TRAPPC12: variants seen among roughly 807,000 people sequenced by gnomAD.
The protein encoded by TRAPPC12 is trafficking protein particle complex subunit 12, also known as TPR repeat protein 15.
A neutral mutation model predicts 69.2 loss-of-function variants in TRAPPC12; 61 were observed. The ratio of observed to expected loss-of-function variants is 0.88; its 90% CI spans 0.72 to 1.09. The LOEUF (loss-of-function observed/expected upper bound fraction) is 1.09, where lower values mean the gene tolerates loss of function less well. TRAPPC12 is among the 50% of genes least tolerant of loss of function. TRAPPC12 has a pLI of 0.00. For synonymous variants in TRAPPC12, 469 were observed against 438.9 expected, an observed-to-expected ratio of 1.07 and a Z score of -0.86; for missense variants, 1,101 against 1,016.4, an observed-to-expected ratio of 1.08 and a Z score of -1.13.
At chr2:3,460,134 G>A in intron 7 of TRAPPC12, 129 bp from the exon 8 acceptor site, 4 of 753,576 alleles carry the variant, frequency 5.3e-6, no homozygotes, top group Non-Finnish European at 9.6e-6. Flanking sequence ...AGCATTCCAG[G>A]CCGAAATCCA....
At chr2:3,421,816 T>G in intron 3 of TRAPPC12, 65 bp from the exon 4 acceptor site, 1 of 1,455,754 alleles carries the variant, frequency 6.9e-7, no homozygotes, top group Non-Finnish European at 9.6e-7. Flanking sequence ...GGCTATGCGT[T>G]TGGGTCATGG....
chr2:3,473,953 A>T lies in TRAPPC12; in HGVS notation c.1777-3742A>T, dbSNP rs1318527981. ...TTTAAAATCATCTGACTCCCACACC[A>T]CAGAGAAGAATCATTCTTGCCTTCC... On this transcript the variant is annotated intron_variant, in intron 9 of 11. Transcript: ENST00000324266. Among the ~76,000 whole-genome samples the T allele has an allele frequency of 1.8e-4, 27 of 152,222 alleles. 1 individual carries two copies. The highest frequency in any genetic ancestry group is 4.4e-5 in the Non-Finnish European group (3 of 68,038).
intron 3 of TRAPPC12, among the ~76,000 whole-genome samples, chr2:3,406,060 TC>T (rs1661712405): frequency 6.6e-6 from 1 of 152,112 alleles, no homozygotes; most frequent in Admixed American, 6.6e-5. Context: ...TCCCAGCTGT[TC>T]CCTGACTTGC....
intron 1 of TRAPPC12, among the ~76,000 whole-genome samples, chr2:3,384,901 T>A (rs1344621153): frequency 6.6e-6 from 1 of 152,212 alleles, no homozygotes; most frequent in East Asian, 1.9e-4. Flanking sequence ...GTAGGAAGAC[T>A]TAACTACTGG....
In TRAPPC12 at chr2:3,477,676, C is replaced by T; in HGVS notation, c.1777-19C>T. Reference sequence around the variant, plus strand: ...ATATTTCTTTTGTCAACTAAACTGACTAAATTTTGTCAAAGCAGATTGGAG... The same window carrying T: ...ATATTTCTTTTGTCAACTAAACTGATTAAATTTTGTCAAAGCAGATTGGAG... On this transcript the variant is annotated intron_variant, in intron 9 of 11. Coordinates refer to ENST00000324266, the MANE Select transcript of TRAPPC12 (RefSeq NM_016030.6). 1 of 1,542,688 alleles carries T rather than the reference C, an allele frequency of 6.5e-7. No homozygotes were observed. The highest frequency in any genetic ancestry group is 8.9e-7 in the Non-Finnish European group (1 of 1,128,524).
chr2:3,399,316 C>T (rs1156705197), intron 2 of TRAPPC12, among the ~76,000 whole-genome samples: 2 of 152,230 alleles, frequency 1.3e-5, no homozygotes, highest in Admixed American at 1.3e-4. Context: ...TCGCTGCCCC[C>T]CTGGCTGAGA....
intron 3 of TRAPPC12, among the ~76,000 whole-genome samples, chr2:3,413,809 C>T (rs1478799693): frequency 6.6e-6 from 1 of 152,146 alleles, no homozygotes; most frequent in African/African-American, 2.4e-5. Flanking sequence ...CCTGACAGTA[C>T]TGTAAGTGTT....
intron 6 of TRAPPC12, among the ~76,000 whole-genome samples, chr2:3,448,658 GC>G (rs1664664196): frequency 7.1e-6 from 1 of 141,790 alleles, no homozygotes; most frequent in South Asian, 2.1e-4. Context: ...GTGGAGAGCA[GC>G]CGGTTACGCG....
intron 5 of TRAPPC12, among the ~76,000 whole-genome samples, chr2:3,434,406 G>A (rs755356812): frequency 2.0e-5 from 3 of 152,190 alleles, no homozygotes; most frequent in Non-Finnish European, 4.4e-5. Flanking sequence ...ATATGAAGTT[G>A]CAGATAATGT....
At chr2:3,458,023 G>GGGCCTCTGCGTCGGGGAGAGA (rs879285898) in intron 7 of TRAPPC12, 2 of 1,151,994 alleles carry the variant, frequency 1.7e-6, no homozygotes, top group Non-Finnish European at 2.1e-6. Context: ...GGGCCCAGAG[G>GGGCCTCTGCGTCGGGGAGAGA]GGCCTCTGCG....
chr2:3,395,424 T>TA (rs201726835), intron 2 of TRAPPC12, among the ~76,000 whole-genome samples: 1 of 95,020 alleles, frequency 1.1e-5, no homozygotes, highest in African/African-American at 3.3e-5. Context: ...TGTGTTGCAA[T>TA]TTTTTTTTTT....
chr2:3,407,925 C>T (rs891986799), intron 3 of TRAPPC12, among the ~76,000 whole-genome samples: 11 of 152,106 alleles, frequency 7.2e-5, no homozygotes, highest in Admixed American at 3.3e-4. Context: ...AAATAGCAGA[C>T]GGCATGCGAT....
intron 8 of TRAPPC12, chr2:3,463,057 G>T: frequency 2.3e-6 from 1 of 435,760 alleles, no homozygotes. Context: ...AGCTAAAATA[G>T]ACTTGTCCCT....
In TRAPPC12 at chr2:3,454,131, G is replaced by A. The variant is rs60361723; in HGVS notation, c.1531-3490G>A. On this transcript the variant is annotated intron_variant, in intron 6 of 11. Transcript: ENST00000324266. The stretch of plus-strand genomic sequence containing the variant: ...CCTTCTCGGGCTGAAGCACCTCAGT[G>A]ACCCAGATCCCTGCAGGCACTTGGC... Among the ~76,000 whole-genome samples the A allele has an allele frequency of 2.6e-3, 389 of 152,340 alleles. 1 individual carries two copies. Among genetic ancestry groups the A allele is most frequent in the African/African-American group, 8.0e-3 (333 of 41,570 alleles).
At chr2:3,477,640 G>T in intron 9 of TRAPPC12, 55 bp from the exon 10 acceptor site, 1 of 1,091,784 alleles carries the variant, frequency 9.2e-7, no homozygotes, top group South Asian at 1.4e-5. Context: ...AAATATATGA[G>T]TATAGACTTA....
chr2:3,442,803 G>A (rs1664291789), intron 5 of TRAPPC12, among the ~76,000 whole-genome samples: 1 of 152,202 alleles, frequency 6.6e-6, no homozygotes, highest in Admixed American at 6.5e-5. Context: ...GATACATTAA[G>A]TGGCTTGCAG....
At chr2:3,383,641 G>A (rs934609911) in intron 1 of TRAPPC12, among the ~76,000 whole-genome samples, 16 of 151,526 alleles carry the variant, frequency 1.1e-4, no homozygotes, top group Admixed American at 2.6e-4. Context: ...TCCTGACCTC[G>A]TGATACGCCC....
intron 3 of TRAPPC12, among the ~76,000 whole-genome samples, chr2:3,410,759 T>C (rs1416661213): frequency 6.6e-6 from 1 of 152,308 alleles, no homozygotes; most frequent in African/African-American, 2.4e-5. Flanking sequence ...GGGCCAGGCG[T>C]GGTGGCTCAT....
At chr2:3,456,928 C>T (rs1486345458) in intron 6 of TRAPPC12, 10 of 343,932 alleles carry the variant, frequency 2.9e-5, no homozygotes, top group Non-Finnish European at 5.6e-5. Context: ...AACATATTCC[C>T]CATGTATGAT....
Sources: gnomAD v4.1 joint callset for allele counts (sites outside exome capture counted in the v4.1 genomes callset) on GRCh38, gnomAD v4.1.1 for gene constraint, MANE v1.5 for transcripts, NCBI Gene and HGNC (gene_info 2026-07-23, HGNC 2026-07-21) for gene names.